Variants in KLF12 observed in about 807,000 individuals in gnomAD.
The protein encoded by KLF12 is Krueppel-like factor 12.
Under a neutral mutation model 37.8 loss-of-function variants are expected in KLF12, and 9 were observed. The observed-to-expected ratio is 0.24, with a 90% CI of 0.14 to 0.42. KLF12 has a LOEUF of 0.42. KLF12 is among the 10% of genes least tolerant of loss of function. The probability of loss-of-function intolerance (pLI) is 1.00; values close to 1 mark genes in which losing one functional copy is unlikely to be tolerated. For synonymous variants in KLF12, 208 were observed against 202.1 expected (o/e 1.03, Z -0.25); for missense variants, 411 against 516.0 (o/e 0.80, Z 1.97).
the KLF12 span, among the ~76,000 whole-genome samples, chr13:74,169,082 G>A: frequency 6.6e-6 from 1 of 152,044 alleles, no homozygotes; most frequent in East Asian, 1.9e-4. Context: ...CAGGAAATGG[G>A]TTAGTGTTTG....
At position 73,715,481 on chromosome 13, in the gene KLF12, C is replaced by A; in HGVS notation, c.914G>T (p.Arg305Leu). Residue 305 changes from arginine (R) to leucine (L), a missense_variant, in exon 7 of 8, where the codon CGG becomes CTG. By Grantham distance (102) the Arg-to-Leu change is moderately radical. Coordinates refer to ENST00000377669, the MANE Select transcript of KLF12 (RefSeq NM_007249.5). ...TTTTCTGGAGTCTGGGGATTCAGAC[C>A]GTCTCTGGCGTCTTGTGCTCTCAAT... is the stretch of plus-strand genomic sequence containing the variant. The A allele has an allele frequency of 6.2e-7, 1 of 1,613,934 alleles. No individual in the cohort carries two copies. Among genetic ancestry groups the A allele is most frequent in the South Asian group, 1.1e-5 (1 of 91,060 alleles).
the KLF12 span, among the ~76,000 whole-genome samples, chr13:74,148,535 G>A: frequency 0.014 from 1,690 of 120,716 alleles, 35 homozygotes; most frequent in African/African-American, 0.052. Flanking sequence ...CATTGGCTAA[G>A]GTCAACAACA....
chr13:74,099,238 T>C (rs1593898473), intron 1 of KLF12, among the ~76,000 whole-genome samples: 3 of 152,206 alleles, frequency 2.0e-5, no homozygotes, highest in Admixed American at 2.0e-4. Flanking sequence ...TCCCATCTAC[T>C]AGGGAGGCTG....
At chr13:74,056,999 G>T (rs544974687) in intron 1 of KLF12, among the ~76,000 whole-genome samples, 15 of 152,332 alleles carry the variant, frequency 9.8e-5, no homozygotes, top group African/African-American at 3.6e-4. Flanking sequence ...AAGTTGCAGT[G>T]CTCTGTGTAA....
intron 3 of KLF12, among the ~76,000 whole-genome samples, chr13:73,922,374 C>G (rs1318042828): frequency 6.6e-6 from 1 of 152,120 alleles, no homozygotes; most frequent in East Asian, 1.9e-4. Flanking sequence ...ATGAGCTTAA[C>G]ATCTCAGCAC....
the KLF12 span, among the ~76,000 whole-genome samples, chr13:74,288,658 C>T: frequency 3.9e-5 from 6 of 152,126 alleles, no homozygotes; most frequent in Non-Finnish European, 4.4e-5. Context: ...TGGAAGCCTC[C>T]GCAGCCTAGA....
chr13:74,043,504 T>C (rs898147816), intron 1 of KLF12, among the ~76,000 whole-genome samples: 6 of 152,212 alleles, frequency 3.9e-5, no homozygotes, highest in African/African-American at 1.4e-4. Context: ...CACTCTGCTT[T>C]TGTAATGGTT....
intron 4 of KLF12, among the ~76,000 whole-genome samples, chr13:73,841,957 A>G (rs1272281883): frequency 1.3e-5 from 2 of 152,064 alleles, no homozygotes; most frequent in African/African-American, 4.8e-5. Context: ...TTTTCTTCAT[A>G]TCACATATTA....
chr13:73,955,433 T>C (rs1890801419), intron 2 of KLF12, among the ~76,000 whole-genome samples: 1 of 152,214 alleles, frequency 6.6e-6, no homozygotes, highest in South Asian at 2.1e-4. Context: ...AATACATTAA[T>C]ATATAATTAT....
At chr13:73,735,746 C>T (rs1284866601) in intron 6 of KLF12, among the ~76,000 whole-genome samples, 2 of 152,090 alleles carry the variant, frequency 1.3e-5, no homozygotes, top group Admixed American at 6.5e-5. Context: ...TGTCTATTTG[C>T]TATGTAAGTA....
chr13:73,752,217 AAGAG>A (rs1878810699), intron 6 of KLF12, among the ~76,000 whole-genome samples: 1 of 152,126 alleles, frequency 6.6e-6, no homozygotes, highest in African/African-American at 2.4e-5. Context: ...TCCTGAGCTC[AAGAG>A]ATCCATCTGC....
At chr13:73,886,985 T>A (rs1594212970) in intron 3 of KLF12, among the ~76,000 whole-genome samples, 1 of 99,786 alleles carries the variant, frequency 1.0e-5, no homozygotes. Flanking sequence ...AGAGCGAAAA[T>A]CCGTCTCAAA....
chr13:73,938,687 C>T (rs1890059306), intron 3 of KLF12, among the ~76,000 whole-genome samples: 1 of 152,190 alleles, frequency 6.6e-6, no homozygotes, highest in Non-Finnish European at 1.5e-5. Flanking sequence ...ATAGCTTCAA[C>T]ACCTTGTTAT....
chr13:74,288,017 AG>A, the KLF12 span, among the ~76,000 whole-genome samples: 1 of 151,482 alleles, frequency 6.6e-6, no homozygotes, highest in African/African-American at 2.4e-5. Context: ...GAAGCTGCCA[AG>A]GGGTTGCCAT....
intron 2 of KLF12, among the ~76,000 whole-genome samples, chr13:73,973,853 A>AT (rs1311389531): frequency 6.6e-6 from 1 of 152,126 alleles, no homozygotes; most frequent in Non-Finnish European, 1.5e-5. Flanking sequence ...CCAAAAAGTG[A>AT]TTATCAACGA....
intron 5 of KLF12, among the ~76,000 whole-genome samples, chr13:73,783,513 T>C (rs1004649182): frequency 2.0e-5 from 3 of 152,092 alleles, no homozygotes; most frequent in African/African-American, 7.2e-5. Context: ...GATAAACGTT[T>C]GAGATGATGG....
the KLF12 span, among the ~76,000 whole-genome samples, chr13:74,303,064 G>C: frequency 0.6 from 91,969 of 152,064 alleles, 32,052 homozygotes; most frequent in Non-Finnish European, 0.79. Context: ...TGTTATACCA[G>C]GACAAGAGGC....
At chr13:74,163,523 G>GA in the KLF12 span, among the ~76,000 whole-genome samples, 1 of 152,098 alleles carries the variant, frequency 6.6e-6, no homozygotes, top group South Asian at 2.1e-4. Context: ...TGTGGGATCT[G>GA]AAAATCAAAT....
chr13:74,114,851 C>T (rs997778005), intron 1 of KLF12, among the ~76,000 whole-genome samples: 6 of 152,314 alleles, frequency 3.9e-5, no homozygotes, highest in East Asian at 1.9e-4. Flanking sequence ...TAGTCTTACA[C>T]GTCATTCAAA....
Sources: allele counts gnomAD v4.1 joint callset (sites outside exome capture counted in the v4.1 genomes callset), GRCh38; gene constraint gnomAD v4.1.1; transcripts MANE v1.5; gene names NCBI Gene and HGNC (gene_info 2026-07-23, HGNC 2026-07-21).